Variants in SYT6 observed in about 807,000 individuals in gnomAD.
The protein encoded by SYT6 is synaptotagmin 6, also known as synaptotagmin-6.
SYT6 carries 24 observed loss-of-function variants against 38.4 expected under a neutral mutation model. The observed-to-expected ratio is 0.62, with a 90% CI of 0.45 to 0.88. The LOEUF (loss-of-function observed/expected upper bound fraction) is 0.88, where lower values mean the gene tolerates loss of function less well. Among genes scored for constraint, SYT6 ranks in the 40% least tolerant of loss-of-function variants. SYT6 has a pLI of 0.00. For missense variants in SYT6, 611 were observed against 621.0 expected, an observed-to-expected ratio of 0.98 and a Z score of 0.17; for synonymous variants, 265 against 241.9, an observed-to-expected ratio of 1.10 and a Z score of -0.89.
At chr1:114,128,622 G>A (rs1343896261) in intron 3 of SYT6, among the ~76,000 whole-genome samples, 1 of 152,156 alleles carries the variant, frequency 6.6e-6, no homozygotes, top group Non-Finnish European at 1.5e-5. Context: ...CCGATGATAA[G>A]CTCCTTGATG....
chr1:114,124,037 T>C (rs1441928563), intron 3 of SYT6, among the ~76,000 whole-genome samples: 1 of 152,184 alleles, frequency 6.6e-6, no homozygotes, highest in Non-Finnish European at 1.5e-5. Flanking sequence ...CTTGCAGAAC[T>C]GGGAGGGTTG....
At chr1:114,118,604 G>A (rs1472485355) in intron 3 of SYT6, among the ~76,000 whole-genome samples, 4 of 152,230 alleles carry the variant, frequency 2.6e-5, no homozygotes, top group African/African-American at 4.8e-5. Context: ...GCCCTCCGGC[G>A]GGGTGTCCCT....
At chr1:114,129,585 T>TTTCC (rs1677979112) in intron 3 of SYT6, among the ~76,000 whole-genome samples, 1 of 104,382 alleles carries the variant, frequency 9.6e-6, no homozygotes, top group East Asian at 2.8e-4. Flanking sequence ...TCTTTCTTTC[T>TTTCC]TTCTTTCTTT....
intron 3 of SYT6, among the ~76,000 whole-genome samples, chr1:114,124,291 A>G (rs961688713): frequency 4.6e-5 from 7 of 152,226 alleles, no homozygotes; most frequent in African/African-American, 1.7e-4. Flanking sequence ...CCTGGAAATG[A>G]TGGCCAGTTA....
intron 3 of SYT6, among the ~76,000 whole-genome samples, chr1:114,128,206 C>G (rs944733774): frequency 1.3e-5 from 2 of 152,228 alleles, no homozygotes; most frequent in African/African-American, 4.8e-5. Flanking sequence ...CCCTGATTTG[C>G]CCTGCTGGCC....
intron 1 of SYT6, among the ~76,000 whole-genome samples, chr1:114,149,217 T>TG (rs1679309309): frequency 5.3e-5 from 2 of 38,014 alleles, no homozygotes; most frequent in South Asian, 9.2e-4. Flanking sequence ...GAGAGAGAGA[T>TG]TGTGTGTGTG....
At chr1:114,116,683 C>T (rs1295437911) in intron 3 of SYT6, among the ~76,000 whole-genome samples, 2 of 152,118 alleles carry the variant, frequency 1.3e-5, no homozygotes, top group Admixed American at 1.3e-4. Flanking sequence ...AAGCAAGAGG[C>T]CCCAAGTGAT....
chr1:114,110,045 G>A (rs1355023320), intron 3 of SYT6, among the ~76,000 whole-genome samples: 2 of 152,176 alleles, frequency 1.3e-5, no homozygotes, highest in African/African-American at 2.4e-5. Flanking sequence ...TAGAAACAGG[G>A]CCCCAGGCAA....
intron 6 of SYT6, among the ~76,000 whole-genome samples, chr1:114,097,002 A>G (rs937053510): frequency 1.7e-4 from 26 of 152,178 alleles, no homozygotes; most frequent in Non-Finnish European, 3.5e-4. Flanking sequence ...GATTCAGCGG[A>G]GGGTGGAGAA....
chr1:114,133,284 T>C (rs1444395469), intron 3 of SYT6, among the ~76,000 whole-genome samples: 2 of 152,156 alleles, frequency 1.3e-5, no homozygotes, highest in Non-Finnish European at 2.9e-5. Flanking sequence ...CACATATTTA[T>C]GGCCCCAGTT....
chr1:114,135,184 T>C (rs1181809827), intron 3 of SYT6, among the ~76,000 whole-genome samples: 3 of 152,048 alleles, frequency 2.0e-5, no homozygotes, highest in African/African-American at 7.2e-5. Flanking sequence ...GCACCTGGAC[T>C]CCCTCTGCAA....
chr1:114,129,349 G>A (rs1238298279), intron 3 of SYT6, among the ~76,000 whole-genome samples: 4 of 151,938 alleles, frequency 2.6e-5, no homozygotes, highest in East Asian at 1.9e-4. Context: ...TCTAGTCCCC[G>A]CCCATCAGCT....
chr1:114,107,781 C>A (rs548661575), intron 3 of SYT6, among the ~76,000 whole-genome samples: 2 of 152,182 alleles, frequency 1.3e-5, no homozygotes, highest in Admixed American at 6.5e-5. Flanking sequence ...CTCTCTCAGG[C>A]GGTTTCAGTC....
chr1:114,142,149 T>C (rs1421008637), intron 1 of SYT6, among the ~76,000 whole-genome samples: 1 of 152,194 alleles, frequency 6.6e-6, no homozygotes, highest in Non-Finnish European at 1.5e-5. Context: ...TAGACAGTGA[T>C]TCCTCTGATG....
At chr1:114,122,507 G>GTGTGTGTGTGCGCGCA (rs1553181997) in intron 3 of SYT6, among the ~76,000 whole-genome samples, 3 of 53,816 alleles carry the variant, frequency 5.6e-5, no homozygotes, top group East Asian at 1.0e-3. Flanking sequence ...GTGTGTGTGT[G>GTGTGTGTGTGCGCGCA]CGCGCACATG....
At chr1:114,123,640 G>A (rs1363489209) in intron 3 of SYT6, among the ~76,000 whole-genome samples, 1 of 152,146 alleles carries the variant, frequency 6.6e-6, no homozygotes, top group Non-Finnish European at 1.5e-5. Context: ...CTGGTTCTAG[G>A]TGCTCCTTCA....
intron 1 of SYT6, among the ~76,000 whole-genome samples, chr1:114,141,080 A>ATTGATAACCTTACTTTGACTTC (rs1678841666): frequency 6.6e-6 from 1 of 152,216 alleles, no homozygotes; most frequent in Non-Finnish European, 1.5e-5. Context: ...AATTAGGCCA[A>ATTGATAACCTTACTTTGACTTC]TTGATAACCT....
At chr1:114,136,088 A>C (rs1350385658) in intron 3 of SYT6, among the ~76,000 whole-genome samples, 1 of 152,170 alleles carries the variant, frequency 6.6e-6, no homozygotes, top group African/African-American at 2.4e-5. Context: ...TGGGGGAGGT[A>C]CTGAGCCATT....
chr1:114,107,402 A>G (rs911608448), intron 3 of SYT6, among the ~76,000 whole-genome samples: 2 of 152,346 alleles, frequency 1.3e-5, no homozygotes, highest in African/African-American at 4.8e-5. Context: ...CGTGCACCCA[A>G]AAATGAACTG....
Sources: gnomAD v4.1 joint callset for allele counts (sites outside exome capture counted in the v4.1 genomes callset) on GRCh38, gnomAD v4.1.1 for gene constraint, MANE v1.5 for transcripts, NCBI Gene and HGNC (gene_info 2026-07-23, HGNC 2026-07-21) for gene names.